The following DNMT1 variants were observed in gnomAD, a reference collection of about 807,000 sequenced individuals.
DNMT1 encodes the protein DNA methyltransferase 1, also known as DNA (cytosine-5)-methyltransferase 1.
A neutral mutation model predicts 205.3 loss-of-function variants in DNMT1; 24 were observed. That is an observed-to-expected ratio of 0.12 (90% CI 0.08 to 0.16). DNMT1 has a LOEUF of 0.16. Among genes scored for constraint, DNMT1 ranks in the 10% least tolerant of loss-of-function variants. DNMT1 has a pLI of 1.00. For missense variants in DNMT1, 1,293 were observed against 2,177.7 expected (o/e 0.59, Z 8.09); for synonymous variants, 817 against 839.8 (o/e 0.97, Z 0.47).
chr19:10,160,039 G>A lies in DNMT1; in HGVS notation c.1068C>T (p.Ala356=). 6.2e-7 allele frequency: 1 copy of A among 1,610,986 alleles called. No homozygotes were observed. Among genetic ancestry groups the A allele is most frequent in the Non-Finnish European group, 8.5e-7 (1 of 1,179,648 alleles). The change falls in exon 15 of 41, where the codon GCC becomes GCT. Residue 356 remains alanine, a synonymous_variant. Transcript: ENST00000359526. The part of the protein sequence containing the change: ...KEPTEKKMAR[A]KTVMNSKTHP... The stretch of plus-strand genomic sequence containing the variant: ...TTACCTTGGAGTTCATGACTGTTTT[G>A]GCGCGAGCCATTTTTTTCTCCGTTC...
intron 27 of DNMT1, among the ~76,000 whole-genome samples, chr19:10,148,116 C>CAAAAAAAAAAAAAAAAAAAA (rs35310173): frequency 1.7e-5 from 1 of 59,292 alleles, no homozygotes; most frequent in African/African-American, 7.3e-5. Context: ...AACTCTGTCT[C>CAAAAAAAAAAAAAAAAAAAA]AAAAAAAAAA....
chr19:10,174,627 A>C (rs976537746), intron 7 of DNMT1, among the ~76,000 whole-genome samples: 2 of 152,032 alleles, frequency 1.3e-5, no homozygotes, highest in African/African-American at 4.8e-5. Context: ...GAGTCACTTG[A>C]ACCCAGGAGG....
At chr19:10,175,013 C>T (rs1366116255) in intron 7 of DNMT1, among the ~76,000 whole-genome samples, 1 of 149,002 alleles carries the variant, frequency 6.7e-6, no homozygotes, top group East Asian at 2.0e-4. Flanking sequence ...CAAGATTGTG[C>T]CACAAGAGCA....
intron 1 of DNMT1, among the ~76,000 whole-genome samples, chr19:10,191,104 G>A (rs10426062): frequency 0.65 from 97,784 of 151,092 alleles, 32,226 homozygotes; most frequent in East Asian, 0.76. Flanking sequence ...ACAGAGCAAG[G>A]CTCAGCCTCG....
chr19:10,142,114 G>A lies in DNMT1; in HGVS notation c.3223C>T (p.Arg1075Cys), dbSNP rs140852137. 32 of 1,613,622 alleles carry A rather than the reference G, an allele frequency of 2.0e-5. No homozygotes were observed. The highest frequency in any genetic ancestry group is 1.6e-4 in the Middle Eastern group (1 of 6,082). ...AVVDFKAVQG[R>C]CTVEYGEDLP... ...TCCTCCCCATACTCCACGGTGCAGC[G>A]GCCCTGCACAGCCTTGAAGTCCACC... Residue 1075 changes from arginine to cysteine, a missense_variant, in exon 30 of 41, where the codon CGC (arginine) becomes TGC (cysteine). Around this residue, in one of 13 missense-constraint regions of DNMT1, gnomAD observed 167 missense variants for 258.1 expected, o/e 0.65. Coordinates refer to ENST00000359526, the MANE Select transcript of DNMT1 (RefSeq NM_001130823.3).
Position 10,139,730 on chromosome 19 carries a change from G to A in DNMT1, c.3894C>T (p.Leu1298=), listed in dbSNP as rs781223403. 1.2e-6 allele frequency: 2 copies of A among 1,613,500 alleles called. No homozygotes were observed. The highest frequency in any genetic ancestry group is 1.1e-5 in the South Asian group (1 of 90,900). The change falls in exon 34 of 41, where the codon CTC becomes CTT. Residue 1298 remains leucine, a synonymous_variant. Transcript: ENST00000359526. ...CCATGCGGACCAGGCAGCGGAGGGT[G>A]AGCTTCAGGACCATGGAGCGCTTGA... ...VSFKRSMVLK[L]TLRCLVRMGY...
chr19:10,139,624 C>A (rs2089561566), intron 34 of DNMT1, 52 bp downstream of exon 34: 1 of 1,592,540 alleles, frequency 6.3e-7, no homozygotes. Context: ...TGGCTGCTGG[C>A]CGGGTCACGT....
chr19:10,192,973 G>C (rs1314641826), intron 1 of DNMT1, among the ~76,000 whole-genome samples: 1 of 152,124 alleles, frequency 6.6e-6, no homozygotes, highest in Non-Finnish European at 1.5e-5. Flanking sequence ...CTTGAACCCT[G>C]AAAGTGGAGG....
At chr19:10,167,713 T>G (rs1173249571) in intron 10 of DNMT1, among the ~76,000 whole-genome samples, 2 of 152,216 alleles carry the variant, frequency 1.3e-5, no homozygotes, top group Non-Finnish European at 2.9e-5. Flanking sequence ...CCTCTGGCCT[T>G]GGAGCCATTT....
chr19:10,175,659 C>T (rs763615065), intron 6 of DNMT1, 41 bp from the exon 7 acceptor site: 1 of 1,603,640 alleles, frequency 6.2e-7, no homozygotes, highest in East Asian at 2.2e-5. Flanking sequence ...GGAACAAGAC[C>T]CTAGGCCTCC....
Position 10,138,408 on chromosome 19 carries a change from AGT to A in DNMT1, c.4115+29_4115+30del, listed in dbSNP as rs756058705. Reference sequence around the variant, plus strand: ...CATGAGCTACTGAGGCCTGCTCGGCAGTGTGTGGAGGAGCGACGGGGGCCACC... The same window carrying A: ...CATGAGCTACTGAGGCCTGCTCGGCAGTGTGGAGGAGCGACGGGGGCCACC... On this transcript the variant is annotated intron_variant, in intron 35 of 40. Coordinates refer to ENST00000359526, the MANE Select transcript of DNMT1 (RefSeq NM_001130823.3). The surrounding 1 kb of genome is among the most constrained non-coding windows in gnomAD (Gnocchi z 4.1). The A allele has an allele frequency of 5.0e-6, 8 of 1,613,648 alleles. No homozygotes were observed. In the South Asian group the frequency reaches 8.8e-5, roughly 18 times the overall value.
In DNMT1 at chr19:10,160,012, G is replaced by A. The variant is rs1015994098; in HGVS notation, c.1089+6C>T. ...GCCACCGGCTTTATTCCCGGCAGAT[G>A]TTTACCTTGGAGTTCATGACTGTTT... is the stretch of plus-strand genomic sequence containing the variant. On this transcript the variant is annotated splice_donor_region_variant and intron_variant, in intron 15 of 40. Coordinates refer to ENST00000359526, the MANE Select transcript of DNMT1 (RefSeq NM_001130823.3). The A allele has an allele frequency of 1.2e-6, 2 of 1,614,018 alleles. No homozygotes were observed. The highest frequency in any genetic ancestry group is 8.5e-7 in the Non-Finnish European group (1 of 1,180,028).
chr19:10,142,954 A>C (rs2089631562), intron 29 of DNMT1: 1 of 153,722 alleles, frequency 6.5e-6, no homozygotes, highest in South Asian at 2.0e-4. Flanking sequence ...GTTATTACAA[A>C]GGCTTCAGGA....
rs62621087 is a variant in DNMT1, at chr19:10,148,978, C to T, written c.2626G>A (p.Gly876Arg). The T allele has an allele frequency of 5.8e-4, 940 of 1,614,116 alleles. 2 individuals are homozygous for T. The East Asian group carries it at 7.7e-3, about 13-fold the overall frequency. ...CACAGCTGGTAGAAGTAGGTCTTCC[C>T]GTCGTCCCCCTCCAGCAGGGACTCG... ...DPESLLEGDD[G>R]KTYFYQLWYD... The change falls in exon 27 of 41, where the codon GGG (glycine) becomes AGG (arginine). Residue 876 changes from glycine (G) to arginine (R), a missense_variant. Gly to Arg is a moderately radical substitution (Grantham distance 125). Transcript: ENST00000359526.
intron 1 of DNMT1, among the ~76,000 whole-genome samples, chr19:10,188,362 A>G (rs2039235225): frequency 2.0e-5 from 3 of 152,180 alleles, no homozygotes; most frequent in Admixed American, 1.3e-4. Flanking sequence ...AAACATGGCA[A>G]AACCCCATCT....
chr19:10,144,015 A>G (rs1285844725), intron 28 of DNMT1, 28 bp from the exon 29 acceptor site: 2 of 1,610,994 alleles, frequency 1.2e-6, no homozygotes, highest in Non-Finnish European at 1.7e-6. Flanking sequence ...CTTGACATCA[A>G]TGAACCTTCC....
chr19:10,194,343 G>A (rs2039360568), intron 1 of DNMT1, among the ~76,000 whole-genome samples: 1 of 152,056 alleles, frequency 6.6e-6, no homozygotes, highest in South Asian at 2.1e-4. Context: ...CAGCTTTGGG[G>A]GAAAGGCACT....
At chr19:10,149,346 A>C (rs1319067884) in intron 26 of DNMT1, 107 bp downstream of exon 26, 77 of 1,434,126 alleles carry the variant, frequency 5.4e-5, no homozygotes, top group Non-Finnish European at 7.3e-5. Flanking sequence ...AAAAAACAAA[A>C]AAAAAACCAA....
chr19:10,142,838 C>A, intron 29 of DNMT1: 1 of 160,334 alleles, frequency 6.2e-6, no homozygotes, highest in Non-Finnish European at 1.4e-5. Context: ...AGCTTGGCTG[C>A]TTGCTCTGCA....
Sources: allele counts gnomAD v4.1 joint callset (sites outside exome capture counted in the v4.1 genomes callset), GRCh38; gene constraint gnomAD v4.1.1; regional missense constraint gnomAD v4.1.1; non-coding constraint Gnocchi (gnomAD v3.1); transcripts MANE v1.5; gene names NCBI Gene and HGNC (gene_info 2026-07-23, HGNC 2026-07-21).